The following RERE variants were observed in gnomAD, a reference collection of about 807,000 sequenced individuals.
The protein encoded by RERE is arginine-glutamic acid dipeptide repeats, also known as arginine-glutamic acid dipeptide repeats protein.
In RERE, 40 loss-of-function variants were observed where a neutral mutation model predicts 146.1. The observed-to-expected ratio is 0.27, with a 90% confidence interval of 0.21 to 0.36. The LOEUF (loss-of-function observed/expected upper bound fraction) is 0.36. RERE is among the 10% of genes least tolerant of loss of function. The pLI, the probability that RERE is intolerant of heterozygous loss-of-function variation, is 1.00. For synonymous variants in RERE, 1,003 were observed against 866.0 expected (o/e 1.16, Z -2.78); for missense variants, 1,933 against 2,138.7 (o/e 0.90, Z 1.90).
intron 10 of RERE, among the ~76,000 whole-genome samples, chr1:8,482,237 T>TC (rs1644844645): frequency 2.0e-5 from 3 of 152,240 alleles, no homozygotes; most frequent in South Asian, 4.2e-4. Context: ...GCCTTTTATC[T>TC]CCCCATCCAC....
chr1:8,430,920 G>GT (rs1284657673), intron 11 of RERE, among the ~76,000 whole-genome samples: 1 of 152,212 alleles, frequency 6.6e-6, no homozygotes, highest in Non-Finnish European at 1.5e-5. Context: ...TGGTAACAGA[G>GT]TGCGTGTGAG....
At chr1:8,816,185 A>C (rs1023472042) in intron 1 of RERE, among the ~76,000 whole-genome samples, 1 of 152,244 alleles carries the variant, frequency 6.6e-6, no homozygotes, top group East Asian at 1.9e-4. Flanking sequence ...AATTCCTGCT[A>C]TATTAAAATG....
intron 1 of RERE, among the ~76,000 whole-genome samples, chr1:8,673,224 T>C (rs905738313): frequency 1.3e-5 from 2 of 152,188 alleles, no homozygotes; most frequent in Non-Finnish European, 1.5e-5. Flanking sequence ...GCCTATCAAG[T>C]AGCTGGGATT....
chr1:8,703,995 T>C (rs1028980105), intron 1 of RERE, among the ~76,000 whole-genome samples: 3 of 152,204 alleles, frequency 2.0e-5, no homozygotes, highest in Non-Finnish European at 2.9e-5. Flanking sequence ...AGACAAGACA[T>C]AGCTTAAATT....
At chr1:8,431,790 A>G (rs966240433) in intron 11 of RERE, among the ~76,000 whole-genome samples, 10 of 151,948 alleles carry the variant, frequency 6.6e-5, no homozygotes, top group African/African-American at 2.4e-4. Flanking sequence ...TAGCACCTCA[A>G]ATCTCCCCCG....
intron 1 of RERE, among the ~76,000 whole-genome samples, chr1:8,693,840 G>GA (rs1639262624): frequency 6.6e-6 from 1 of 152,050 alleles, no homozygotes; most frequent in African/African-American, 2.4e-5. Flanking sequence ...AGTTAGGGGG[G>GA]ATGCGGGAAC....
chr1:8,399,095 T>C (rs1570141625), intron 12 of RERE, among the ~76,000 whole-genome samples: 1 of 152,058 alleles, frequency 6.6e-6, no homozygotes, highest in African/African-American at 2.4e-5. Flanking sequence ...TTGTGTCTAT[T>C]ATAGATTTCT....
intron 11 of RERE, among the ~76,000 whole-genome samples, chr1:8,449,759 T>C (rs1557638006): frequency 6.6e-6 from 1 of 152,180 alleles, no homozygotes; most frequent in South Asian, 2.1e-4. Flanking sequence ...TTATAGGCAA[T>C]TGTGAAACAT....
At chr1:8,522,854 C>G (rs1336897003) in intron 7 of RERE, among the ~76,000 whole-genome samples, 1 of 149,220 alleles carries the variant, frequency 6.7e-6, no homozygotes, top group Non-Finnish European at 1.5e-5. Flanking sequence ...GCCTGGGCAA[C>G]AAGAGCGAGA....
intron 8 of RERE, among the ~76,000 whole-genome samples, chr1:8,502,374 CAGG>C (rs1379241898): frequency 8.4e-6 from 1 of 119,464 alleles, no homozygotes; most frequent in Non-Finnish European, 1.8e-5. Flanking sequence ...CCGCCCTATC[CAGG>C]AGGTGAGGGG....
chr1:8,385,208 A>G (rs1212655836), intron 12 of RERE, among the ~76,000 whole-genome samples: 1 of 152,246 alleles, frequency 6.6e-6, no homozygotes, highest in African/African-American at 2.4e-5. Flanking sequence ...TAAAATCAAA[A>G]TGAGTTTCAC....
At chr1:8,631,833 A>AG (rs1159871748) in intron 2 of RERE, among the ~76,000 whole-genome samples, 2 of 152,194 alleles carry the variant, frequency 1.3e-5, no homozygotes, top group Non-Finnish European at 2.9e-5. Flanking sequence ...AAGTAATCCA[A>AG]GGGGGGAAAT....
At chr1:8,495,000 C>T (rs1645027426) in intron 10 of RERE, 63 bp downstream of exon 10, 1 of 1,203,570 alleles carries the variant, frequency 8.3e-7, no homozygotes, top group Admixed American at 1.7e-5. Context: ...TCACACATTC[C>T]CTACAGCCAG....
chr1:8,602,816 A>C (rs1278532311), intron 4 of RERE, among the ~76,000 whole-genome samples: 1 of 150,944 alleles, frequency 6.6e-6, no homozygotes, highest in African/African-American at 2.4e-5. Flanking sequence ...GGTTTAAAAG[A>C]AATATTTCTT....
At chr1:8,542,668 G>T (rs1308670600) in intron 6 of RERE, among the ~76,000 whole-genome samples, 1 of 151,996 alleles carries the variant, frequency 6.6e-6, no homozygotes, top group Admixed American at 6.6e-5. Context: ...CACCACACCT[G>T]GTTAATTTTA....
intron 2 of RERE, among the ~76,000 whole-genome samples, chr1:8,650,795 G>T (rs908060132): frequency 5.3e-5 from 8 of 152,236 alleles, no homozygotes; most frequent in African/African-American, 1.9e-4. Flanking sequence ...TACTTATGAG[G>T]CTGAGGCAGG....
At chr1:8,781,026 A>T (rs1358375407) in intron 1 of RERE, among the ~76,000 whole-genome samples, 1 of 151,864 alleles carries the variant, frequency 6.6e-6, no homozygotes, top group Non-Finnish European at 1.5e-5. Context: ...GGTTGAGACC[A>T]GCCTGGGCAA....
At position 8,423,084 on chromosome 1, in the gene RERE, C is replaced by T. The variant is rs1357761643; in HGVS notation, c.1204-277G>A. ...GTCTGAGGCTAAGAAGCAATCTGTC[C>T]CCCTCTTCCACCAGGCACACATTCT... On this transcript the variant is annotated intron_variant, in intron 11 of 22. Coordinates refer to ENST00000400908, the MANE Select transcript of RERE (RefSeq NM_001042681.2). The surrounding 1 kb of genome is among the most constrained non-coding windows in gnomAD (Gnocchi z 5.4). 1.7e-5 allele frequency: 7 copies of T among 408,230 alleles called. No individual in the cohort carries two copies. The highest frequency in any genetic ancestry group is 3.2e-5 in the Non-Finnish European group (7 of 218,650). The allele number at this position is 408,230 out of a possible 1,614,324, so 25.3% of individuals were successfully genotyped here. A position where few individuals can be genotyped will look rare whatever the true frequency, so the allele number is the denominator to read the frequency against.
At chr1:8,417,533 A>C (rs1305516219) in intron 12 of RERE, among the ~76,000 whole-genome samples, 2 of 152,178 alleles carry the variant, frequency 1.3e-5, no homozygotes, top group Non-Finnish European at 2.9e-5. Flanking sequence ...ACACATTTCC[A>C]ATAGAGAAAA....
Sources: gnomAD v4.1 joint callset for allele counts (sites outside exome capture counted in the v4.1 genomes callset) on GRCh38, gnomAD v4.1.1 for gene constraint, Gnocchi (gnomAD v3.1) non-coding constraint, MANE v1.5 for transcripts, NCBI Gene and HGNC (gene_info 2026-07-23, HGNC 2026-07-21) for gene names.